UMODL1: variants seen among roughly 807,000 people sequenced by gnomAD.
UMODL1 encodes uromodulin like 1.
In UMODL1, 128 loss-of-function variants were observed where a neutral mutation model predicts 136.3. The ratio of observed to expected loss-of-function variants is 0.94; its 90% CI spans 0.81 to 1.09. The LOEUF is 1.09. UMODL1 is among the 50% of genes least tolerant of loss of function. UMODL1 has a pLI of 0.00. For synonymous variants in UMODL1, 721 were observed against 720.0 expected (o/e 1.00, Z -0.02); for missense variants, 1,766 against 1,725.6 (o/e 1.02, Z -0.41).
intron 2 of UMODL1, among the ~76,000 whole-genome samples, chr21:42,079,214 C>T (rs576241300): frequency 2.0e-5 from 3 of 152,202 alleles, no homozygotes; most frequent in South Asian, 2.1e-4. Context: ...CCCACCATCA[C>T]CTTCTGTAAG....
At chr21:42,075,184 G>C (rs1248990658) in intron 1 of UMODL1, among the ~76,000 whole-genome samples, 3 of 151,934 alleles carry the variant, frequency 2.0e-5, no homozygotes, top group African/African-American at 7.3e-5. Flanking sequence ...TTACAGGCAT[G>C]AGCCACCGCG....
rs150529475 is a variant in UMODL1 at position 42,113,583 on chromosome 21, C to T, written c.2115C>T (p.Ser705=). 1.7e-4 allele frequency: 269 copies of T among 1,613,362 alleles called. No homozygotes were observed. Among genetic ancestry groups the T allele is most frequent in the South Asian group, 4.1e-4 (37 of 91,052 alleles). The change falls in exon 13 of 23, where the codon TCC becomes TCT. Residue 705 remains serine, a synonymous_variant. Transcript: ENST00000408910. The part of the protein sequence containing the change: ...ALKTPACVPV[S]IGRIMVSNVT... ...TATTCCACTTCCCAGTTCCTGTCTC[C>T]ATTGGGAGGATCATGGTCTCCAATG...
chr21:42,133,353 G>T (rs1027811936), intron 21 of UMODL1, among the ~76,000 whole-genome samples: 4 of 152,242 alleles, frequency 2.6e-5, no homozygotes, highest in African/African-American at 9.6e-5. Flanking sequence ...TAGGGAATGT[G>T]CCTAAGCTCA....
chr21:42,137,500 C>G lies in UMODL1; in HGVS notation c.3837C>G (p.Ala1279=), dbSNP rs1372252338. The G allele has an allele frequency of 1.2e-6, 2 of 1,614,118 alleles. No homozygotes were observed. Among genetic ancestry groups the G allele is most frequent in the Non-Finnish European group, 1.7e-6 (2 of 1,180,054 alleles). Residue 1279 remains alanine, a synonymous_variant, in exon 22 of 23, where the codon GCC becomes GCG. Transcript: ENST00000408910. ...GTTATGTGGTCCTTATTGTGGTGGCCATCTTCGTGCTGGTGGCGGGAACAG... is the reference window on the plus strand; with the variant it reads ...GTTATGTGGTCCTTATTGTGGTGGCGATCTTCGTGCTGGTGGCGGGAACAG... The part of the protein sequence containing the change: ...GAGYVVLIVV[A]IFVLVAGTAT...
chr21:42,133,953 C>T (rs12627386), intron 21 of UMODL1, among the ~76,000 whole-genome samples: 8,200 of 152,048 alleles, frequency 0.054, 355 homozygotes, highest in East Asian at 0.23. Flanking sequence ...GAGTCTCACT[C>T]TATTGCCAGG....
chr21:42,138,620 G>A (rs1208933813), intron 22 of UMODL1, among the ~76,000 whole-genome samples: 4 of 151,450 alleles, frequency 2.6e-5, no homozygotes, highest in African/African-American at 9.7e-5. Flanking sequence ...TTGTTGCCCA[G>A]GTTGGAGTGC....
intron 3 of UMODL1, 57 bp downstream of exon 3, chr21:42,084,302 C>A: frequency 6.3e-7 from 1 of 1,580,866 alleles, no homozygotes; most frequent in Non-Finnish European, 8.6e-7. Flanking sequence ...CTCGGTGAGG[C>A]CTGATCTGTG....
At chr21:42,101,919 G>A (rs953255526) in intron 7 of UMODL1, 14 of 410,664 alleles carry the variant, frequency 3.4e-5, no homozygotes, top group Non-Finnish European at 6.0e-5. Flanking sequence ...CCCAGTTCCC[G>A]TGGGTATGGG....
rs950007025 is a variant in UMODL1 at position 42,122,572 on chromosome 21, C to T, written c.2828-259C>T. Among the ~76,000 whole-genome samples the T allele has an allele frequency of 3.9e-4, 56 of 142,136 alleles. No homozygotes were observed. Among genetic ancestry groups the T allele is most frequent in the Non-Finnish European group, 6.9e-4 (44 of 64,128 alleles). The allele number at this position is 142,136 out of a possible 152,430, so 93.2% of individuals were successfully genotyped here. Reference sequence around the variant, plus strand: ...GTGTGTGTGTGTCTGCACGTGTGTGCGTGCGTGTGTGCATGTGTGTGCATG... The same window carrying T: ...GTGTGTGTGTGTCTGCACGTGTGTGTGTGCGTGTGTGCATGTGTGTGCATG... On this transcript the variant is annotated intron_variant, in intron 16 of 22. Coordinates refer to ENST00000408910, the MANE Select transcript of UMODL1 (RefSeq NM_001004416.3). This position sits in a 1 kb window ranked among gnomAD's most constrained non-coding sequence, Gnocchi z 4.3.
At chr21:42,069,058 C>T (rs2066206693), upstream of UMODL1, among the ~76,000 whole-genome samples, 1 of 152,158 alleles carries the variant, frequency 6.6e-6, no homozygotes, top group Admixed American at 6.5e-5. Flanking sequence ...TGTTGGACAC[C>T]AAGTGCTGGA....
At chr21:42,140,856 T>C (rs1038339803) in intron 22 of UMODL1, among the ~76,000 whole-genome samples, 4 of 152,104 alleles carry the variant, frequency 2.6e-5, no homozygotes, top group Non-Finnish European at 5.9e-5. Context: ...CTTTACACTC[T>C]AATAGTGAAA....
At position 42,083,046 on chromosome 21, in the gene UMODL1, C is replaced by T. The variant is rs183781638; in HGVS notation, c.320-1038C>T. Among the ~76,000 whole-genome samples the T allele has an allele frequency of 3.7e-3, 566 of 152,340 alleles. 2 individuals carry two copies. Among genetic ancestry groups the T allele is most frequent in the Middle Eastern group, 0.01 (3 of 294 alleles). On this transcript the variant is annotated intron_variant, in intron 2 of 22. Transcript: ENST00000408910. Reference sequence around the variant, plus strand: ...TGGCCTCTTGCCTTCCTCATCTTTGCCTCCTGCAGAGGCTGGCCGCGTTTC... The same window carrying T: ...TGGCCTCTTGCCTTCCTCATCTTTGTCTCCTGCAGAGGCTGGCCGCGTTTC...
chr21:42,075,946 C>T, intron 1 of UMODL1, 59 bp from the exon 2 acceptor site: 2 of 1,597,404 alleles, frequency 1.3e-6, no homozygotes, highest in Non-Finnish European at 1.7e-6. Context: ...TTGCGGATAA[C>T]CGCTCGCACG....
At chr21:42,071,246 G>A (rs921276225), upstream of UMODL1, 90 of 1,401,504 alleles carry the variant, frequency 6.4e-5, no homozygotes, top group African/African-American at 1.2e-3. Context: ...GCCCCTATGA[G>A]CCCTGGCGTA....
At chr21:42,118,291 C>T (rs2066924778) in intron 14 of UMODL1, among the ~76,000 whole-genome samples, 1 of 152,214 alleles carries the variant, frequency 6.6e-6, no homozygotes, top group South Asian at 2.1e-4. Flanking sequence ...GGTCCACAGG[C>T]TCTGAGAGGG....
At chr21:42,118,823 G>A (rs939150620) in intron 14 of UMODL1, among the ~76,000 whole-genome samples, 1 of 152,164 alleles carries the variant, frequency 6.6e-6, no homozygotes, top group African/African-American at 2.4e-5. Flanking sequence ...TAGGGTCTCT[G>A]CCTGTGCCCC....
intron 9 of UMODL1, among the ~76,000 whole-genome samples, chr21:42,106,947 G>C (rs1204035104): frequency 1.3e-5 from 2 of 152,220 alleles, no homozygotes; most frequent in African/African-American, 4.8e-5. Context: ...CATGGCGACA[G>C]TGCATTTCTG....
At chr21:42,140,502 G>T (rs186357070) in intron 22 of UMODL1, among the ~76,000 whole-genome samples, 1 of 150,776 alleles carries the variant, frequency 6.6e-6, no homozygotes, top group Non-Finnish European at 1.5e-5. Context: ...TTGGCTCTGG[G>T]GTCAGCTCTC....
In UMODL1 at chr21:42,085,223, C is replaced by T. The variant is rs2066411763; in HGVS notation, c.482-68C>T. On this transcript the variant is annotated intron_variant, in intron 3 of 22. Transcript: ENST00000408910. This position sits in a 1 kb window ranked among gnomAD's most constrained non-coding sequence, Gnocchi z 4.5. The stretch of plus-strand genomic sequence containing the variant: ...TGGTTCCCTCTCCTGCCCCCTCTCC[C>T]ACCCCAGCAGCTTTTGTGACTTCAA... 6.4e-7 allele frequency: 1 copy of T among 1,571,042 alleles called. No homozygotes were observed.
Sources: allele counts gnomAD v4.1 joint callset (sites outside exome capture counted in the v4.1 genomes callset), GRCh38; gene constraint gnomAD v4.1.1; non-coding constraint Gnocchi (gnomAD v3.1); transcripts MANE v1.5; gene names NCBI Gene and HGNC (gene_info 2026-07-23, HGNC 2026-07-21).